The following SCNN1G variants were observed in gnomAD, a reference collection of about 807,000 sequenced individuals.
SCNN1G encodes epithelial sodium channel subunit gamma.
In SCNN1G, 27 loss-of-function variants were observed where a neutral mutation model predicts 64.6. The observed-to-expected ratio is 0.42, with a 90% confidence interval of 0.31 to 0.58. The LOEUF (loss-of-function observed/expected upper bound fraction) is 0.58, where lower values mean the gene tolerates loss of function less well. SCNN1G is among the 20% of genes least tolerant of loss of function. The probability of loss-of-function intolerance (pLI) is 0.18; values close to 1 mark genes in which losing one functional copy is unlikely to be tolerated. For synonymous variants in SCNN1G, 330 were observed against 314.2 expected, an observed-to-expected ratio of 1.05 and a Z score of -0.53; for missense variants, 743 against 823.4, an observed-to-expected ratio of 0.90 and a Z score of 1.19.
rs745648349 is a variant in SCNN1G at position 23,194,258 on chromosome 16, G to T, written c.897G>T (p.Met299Ile). ...RENETILSTS[M>I]GGSEYGLQVI... is the part of the protein sequence containing the mutation. ...ATGAGACCATTCTCAGCACCTCCAT[G>T]GGGGGCAGCGAATATGGTAAGGAAA... is the stretch of plus-strand genomic sequence containing the variant. The change falls in exon 5 of 13, where the codon ATG becomes ATT. Residue 299 changes from methionine to isoleucine, a missense_variant. By Grantham distance (10) the Met-to-Ile change is conservative. Transcript: ENST00000300061. 1.9e-6 allele frequency: 3 copies of T among 1,609,122 alleles called. No homozygotes were observed. The highest frequency in any genetic ancestry group is 2.7e-5 in the African/African-American group (2 of 74,784).
intron 12 of SCNN1G, 65 bp from the exon 13 acceptor site, chr16:23,215,024 G>T (rs1960137034): frequency 1.3e-6 from 2 of 1,597,618 alleles, no homozygotes; most frequent in Non-Finnish European, 1.7e-6. Flanking sequence ...GGGAATCAGG[G>T]TTCCTGTGTG....
Position 23,212,727 on chromosome 16 carries a change from C to A in SCNN1G, c.1344C>A (p.Gly448=). 6.2e-7 allele frequency: 1 copy of A among 1,614,206 alleles called. No homozygotes were observed. The highest frequency in any genetic ancestry group is 8.5e-7 in the Non-Finnish European group (1 of 1,180,038). Residue 448 remains glycine, a synonymous_variant, in exon 9 of 13, where the codon GGC becomes GGA. Transcript: ENST00000300061. The part of the protein sequence containing the change: ...LHRAFVQEEL[G]CQSVCKEACS... ...GAGCCTTTGTCCAGGAAGAGCTGGG[C>A]TGCCAGTCTGTGTGCAAGGAAGCCT...
At chr16:23,190,429 C>G (rs1959689086) in intron 3 of SCNN1G, among the ~76,000 whole-genome samples, 1 of 152,074 alleles carries the variant, frequency 6.6e-6, no homozygotes, top group Non-Finnish European at 1.5e-5. Flanking sequence ...GGAGGCCTCT[C>G]AAAGGGCAGA....
intron 3 of SCNN1G, among the ~76,000 whole-genome samples, chr16:23,190,786 G>A (rs1396953629): frequency 6.6e-6 from 1 of 150,944 alleles, no homozygotes; most frequent in Non-Finnish European, 1.5e-5. Context: ...CCTTCATGAG[G>A]TGCTTGGCTT....
rs988790072 is a variant in SCNN1G, at chr16:23,215,796, C to T, written c.*327C>T. The T allele has an allele frequency of 1.4e-4, 58 of 417,014 alleles. No individual in the cohort carries two copies. Among genetic ancestry groups the T allele is most frequent in the African/African-American group, 9.5e-4 (47 of 49,642 alleles). The allele number at this position is 417,014 out of a possible 1,614,324, so 25.8% of individuals were successfully genotyped here. ...GAGTGAGGACTGATGCAGCTCTTTA[C>T]GGGTCTTGAGAGGGAAGGACTCTTC... On this transcript the variant is annotated 3_prime_UTR_variant, in exon 13 of 13. Transcript: ENST00000300061.
intron 8 of SCNN1G, 98 bp from the exon 9 acceptor site, chr16:23,212,580 T>C (rs967728826): frequency 2.2e-6 from 2 of 914,592 alleles, no homozygotes; most frequent in Admixed American, 3.5e-5. Flanking sequence ...GGAGAAATCA[T>C]TAAAATGAGA....
chr16:23,201,935 G>C lies in SCNN1G; in HGVS notation c.1077+4508G>C, dbSNP rs1218678102. On this transcript the variant is annotated intron_variant, in intron 6 of 12. Coordinates refer to ENST00000300061, the MANE Select transcript of SCNN1G (RefSeq NM_001039.4). The stretch of plus-strand genomic sequence containing the variant: ...GGGGTCATGGGATTCTCCTGCCTCA[G>C]CCTTCCAAGTAGCTGGGACCATAGG... 1.3e-5 allele frequency among the ~76,000 whole-genome samples: 2 copies of C among 152,136 alleles called. 1 individual carries two copies. Among genetic ancestry groups the C allele is most frequent in the East Asian group, 3.9e-4 (2 of 5,192 alleles).
intron 2 of SCNN1G, among the ~76,000 whole-genome samples, chr16:23,187,301 G>A (rs548607815): frequency 8.6e-5 from 13 of 151,998 alleles, no homozygotes; most frequent in African/African-American, 2.9e-4. Context: ...AAGAGATGGG[G>A]TCTCGCTATG....
chr16:23,197,965 A>G (rs899276286), intron 6 of SCNN1G, among the ~76,000 whole-genome samples: 9 of 152,128 alleles, frequency 5.9e-5, no homozygotes, highest in African/African-American at 2.2e-4. Flanking sequence ...CATTTATGGA[A>G]CCTATGCTGG....
intron 11 of SCNN1G, among the ~76,000 whole-genome samples, chr16:23,214,251 G>A (rs1382904375): frequency 6.6e-6 from 1 of 152,180 alleles, no homozygotes. Context: ...TAGGGCTGTT[G>A]GTAGAATTCA....
chr16:23,206,755 G>A (rs181508937), intron 6 of SCNN1G, among the ~76,000 whole-genome samples: 106 of 152,132 alleles, frequency 7.0e-4, no homozygotes, highest in Admixed American at 6.1e-3. Flanking sequence ...ACACATACAT[G>A]CCCACATCCA....
At chr16:23,190,477 G>A (rs1057504590) in intron 3 of SCNN1G, among the ~76,000 whole-genome samples, 7 of 152,160 alleles carry the variant, frequency 4.6e-5, no homozygotes, top group African/African-American at 1.7e-4. Flanking sequence ...AGCAAGAAAT[G>A]ATGAAAAGTC....
chr16:23,207,680 CCAGA>C (rs959839618), intron 6 of SCNN1G, among the ~76,000 whole-genome samples: 8 of 152,154 alleles, frequency 5.3e-5, no homozygotes, highest in Non-Finnish European at 8.8e-5. Flanking sequence ...AGAGGGGAGG[CCAGA>C]CAGCCACTTT....
intron 3 of SCNN1G, 27 bp from the exon 4 acceptor site, chr16:23,192,325 C>T (rs750401967): frequency 1.3e-6 from 2 of 1,595,550 alleles, no homozygotes; most frequent in South Asian, 1.1e-5. Context: ...CCGATGGCTT[C>T]AGCCTCGCAT....
chr16:23,194,217 T>C lies in SCNN1G; in HGVS notation c.856T>C (p.Phe286Leu). 1 of 1,614,050 alleles carries C rather than the reference T, an allele frequency of 6.2e-7. No individual in the cohort carries two copies. The highest frequency in any genetic ancestry group is 8.5e-7 in the Non-Finnish European group (1 of 1,179,992). ...CCCGATGCATGGGAATTGCTATACT[T>C]TCAACAACAGAGAAAATGAGACCAT... is the stretch of plus-strand genomic sequence containing the variant. ...HHPMHGNCYT[F>L]NNRENETILS... is the part of the protein sequence containing the mutation. Residue 286 changes from phenylalanine to leucine, a missense_variant, in exon 5 of 13, where the codon TTC becomes CTC. Phe to Leu is a conservative substitution (Grantham distance 22). Transcript: ENST00000300061.
intron 3 of SCNN1G, among the ~76,000 whole-genome samples, chr16:23,190,992 C>T (rs2141930477): frequency 6.6e-6 from 1 of 151,900 alleles, no homozygotes; most frequent in Non-Finnish European, 1.5e-5. Context: ...TACAGGCATG[C>T]ACCACCATGC....
rs1054147358 is a variant in SCNN1G at position 23,215,756 on chromosome 16, C to G, written c.*287C>G. On this transcript the variant is annotated 3_prime_UTR_variant, in exon 13 of 13. Coordinates refer to ENST00000300061, the MANE Select transcript of SCNN1G (RefSeq NM_001039.4). Reference sequence around the variant, plus strand: ...CTGGGAGCCGAGGCAGTGGTGCTGGCCCAAGTGAAGGCCAGAGTGAGGACT... The same window carrying G: ...CTGGGAGCCGAGGCAGTGGTGCTGGGCCAAGTGAAGGCCAGAGTGAGGACT... 1 of 508,214 alleles carries G rather than the reference C, an allele frequency of 2.0e-6. No individual in the cohort carries two copies. Among genetic ancestry groups the G allele is most frequent in the African/African-American group, 1.9e-5 (1 of 51,832 alleles). The allele number at this position is 508,214 out of a possible 1,614,324, so 31.5% of individuals were successfully genotyped here.
At chr16:23,190,830 G>GTTTT (rs1196971618) in intron 3 of SCNN1G, among the ~76,000 whole-genome samples, 1 of 114,638 alleles carries the variant, frequency 8.7e-6, no homozygotes, top group African/African-American at 3.0e-5. Context: ...CATTTGAGGG[G>GTTTT]ATTTTTTTTT....
At chr16:23,200,985 T>G (rs1448899032) in intron 6 of SCNN1G, among the ~76,000 whole-genome samples, 1 of 152,242 alleles carries the variant, frequency 6.6e-6, no homozygotes, top group East Asian at 1.9e-4. Context: ...CTTAGGGGCT[T>G]TGTTCCAGCA....
Sources: allele counts gnomAD v4.1 joint callset (sites outside exome capture counted in the v4.1 genomes callset), GRCh38; gene constraint gnomAD v4.1.1; transcripts MANE v1.5; gene names NCBI Gene and HGNC (gene_info 2026-07-23, HGNC 2026-07-21).